GPC6: variants seen among roughly 807,000 people sequenced by gnomAD.
GPC6 encodes glypican-6.
In GPC6, 14 loss-of-function variants were observed where a neutral mutation model predicts 55.2. The observed-to-expected ratio is 0.25, with a 90% CI of 0.17 to 0.40. The LOEUF (loss-of-function observed/expected upper bound fraction) is 0.40, where lower values mean the gene tolerates loss of function less well. Ranked by LOEUF, GPC6 falls within the 10% of genes least tolerant of loss-of-function variation. The pLI, the probability that GPC6 is intolerant of heterozygous loss-of-function variation, is 1.00. For synonymous variants in GPC6, 278 were observed against 259.6 expected (o/e 1.07, Z -0.68); for missense variants, 641 against 708.5 (o/e 0.90, Z 1.08).
intron 1 of GPC6, among the ~76,000 whole-genome samples, chr13:93,316,239 C>G (rs78581840): frequency 0.016 from 2,363 of 152,100 alleles, 60 homozygotes; most frequent in African/African-American, 0.055. Context: ...TATTCATGCC[C>G]TAGACTATTA....
Position 93,227,576 on chromosome 13 carries a change from G to A in GPC6, c.120G>A (p.Lys40=). The A allele has an allele frequency of 6.2e-7, 1 of 1,611,734 alleles. No individual in the cohort carries two copies. The highest frequency in any genetic ancestry group is 8.5e-7 in the Non-Finnish European group (1 of 1,179,380). Residue 40 remains lysine, a synonymous_variant, in exon 1 of 9, where the codon AAG becomes AAA. Coordinates refer to ENST00000377047, the MANE Select transcript of GPC6 (RefSeq NM_005708.5). The surrounding 1 kb of genome is among the most constrained non-coding windows in gnomAD (Gnocchi z 4.3). ...CGEVRQAYGA[K]GFSLADIPYQ... ...AGGTCCGCCAGGCGTACGGTGCCAAGGGATTCAGCCTGGCGGACATCCCCT... is the reference window on the plus strand; with the variant it reads ...AGGTCCGCCAGGCGTACGGTGCCAAAGGATTCAGCCTGGCGGACATCCCCT...
intron 3 of GPC6, among the ~76,000 whole-genome samples, chr13:93,959,160 A>ATT (rs531505656): frequency 0.043 from 5,918 of 136,762 alleles, 459 homozygotes; most frequent in African/African-American, 0.15. Flanking sequence ...TAGTTGTATG[A>ATT]TTTTTTTTTT....
chr13:93,604,800 G>A (rs1391178206), intron 2 of GPC6, among the ~76,000 whole-genome samples: 5 of 152,004 alleles, frequency 3.3e-5, no homozygotes, highest in Admixed American at 6.6e-5. Context: ...TCCAGCCTTA[G>A]CACAGTATCC....
At chr13:93,527,324 A>C (rs1405105322) in intron 1 of GPC6, among the ~76,000 whole-genome samples, 1 of 152,084 alleles carries the variant, frequency 6.6e-6, no homozygotes, top group African/African-American at 2.4e-5. Flanking sequence ...TTCGATGTAA[A>C]GACATTTTTC....
intron 4 of GPC6, among the ~76,000 whole-genome samples, chr13:94,078,109 G>C: frequency 6.6e-6 from 1 of 151,832 alleles, no homozygotes; most frequent in Non-Finnish European, 1.5e-5. Context: ...AGTGACAGGA[G>C]GCAGATTGGA....
chr13:93,916,295 G>GT (rs1877289589), intron 3 of GPC6, among the ~76,000 whole-genome samples: 1 of 152,146 alleles, frequency 6.6e-6, no homozygotes, highest in African/African-American at 2.4e-5. Flanking sequence ...TATGACAAAT[G>GT]TAAGACTGTT....
chr13:94,199,138 C>T (rs1350375584), intron 4 of GPC6, among the ~76,000 whole-genome samples: 1 of 152,202 alleles, frequency 6.6e-6, no homozygotes, highest in Non-Finnish European at 1.5e-5. Flanking sequence ...GAAGGAGTAC[C>T]ACATTATGCA....
chr13:93,971,111 A>G (rs1880265727), intron 3 of GPC6, among the ~76,000 whole-genome samples: 1 of 152,224 alleles, frequency 6.6e-6, no homozygotes, highest in Non-Finnish European at 1.5e-5. Context: ...GAGGACATTC[A>G]ATTTTAATAA....
chr13:93,403,313 T>C (rs1876158685), intron 1 of GPC6, among the ~76,000 whole-genome samples: 1 of 152,162 alleles, frequency 6.6e-6, no homozygotes, highest in Admixed American at 6.5e-5. Flanking sequence ...GGTGATTCAA[T>C]TTCAGGTCTA....
At chr13:93,662,165 GT>G (rs1259365125) in intron 2 of GPC6, among the ~76,000 whole-genome samples, 1 of 152,094 alleles carries the variant, frequency 6.6e-6, no homozygotes, top group Non-Finnish European at 1.5e-5. Context: ...TTTCATATAT[GT>G]TTCTCTTCCT....
At chr13:93,546,402 T>G (rs1264552887) in intron 2 of GPC6, among the ~76,000 whole-genome samples, 2 of 152,210 alleles carry the variant, frequency 1.3e-5, no homozygotes, top group African/African-American at 4.8e-5. Flanking sequence ...TGTTTTAAAC[T>G]ATTACAGCAA....
At chr13:94,252,232 T>A (rs1483701301) in intron 4 of GPC6, among the ~76,000 whole-genome samples, 1 of 152,166 alleles carries the variant, frequency 6.6e-6, no homozygotes, top group Non-Finnish European at 1.5e-5. Context: ...GAAGCAGAAC[T>A]GTTCATCATA....
chr13:93,466,141 A>G (rs1878895152), intron 1 of GPC6, among the ~76,000 whole-genome samples: 1 of 147,722 alleles, frequency 6.8e-6, no homozygotes, highest in Non-Finnish European at 1.5e-5. Context: ...TAGGCATGCC[A>G]TGAGCACATA....
chr13:93,953,040 T>C (rs1483742308), intron 3 of GPC6, among the ~76,000 whole-genome samples: 1 of 151,864 alleles, frequency 6.6e-6, no homozygotes, highest in Non-Finnish European at 1.5e-5. Flanking sequence ...CTTGCTCCCC[T>C]TCTCATCTTG....
chr13:94,336,145 G>A (rs1477330086), intron 6 of GPC6, among the ~76,000 whole-genome samples: 1 of 152,130 alleles, frequency 6.6e-6, no homozygotes, highest in African/African-American at 2.4e-5. Flanking sequence ...CCGAGCCGCA[G>A]GTGTAGCATT....
chr13:94,228,812 A>AAG (rs1890635273), intron 4 of GPC6, among the ~76,000 whole-genome samples: 1 of 151,106 alleles, frequency 6.6e-6, no homozygotes, highest in Non-Finnish European at 1.5e-5. Context: ...AAAAAAAAAA[A>AAG]GTCTAGACAG....
chr13:94,152,298 TG>T (rs1345476922), intron 4 of GPC6, among the ~76,000 whole-genome samples: 16 of 152,304 alleles, frequency 1.1e-4, no homozygotes, highest in African/African-American at 3.1e-4. Flanking sequence ...AAGTAAAAAG[TG>T]GATTGGATTT....
intron 1 of GPC6, among the ~76,000 whole-genome samples, chr13:93,321,839 A>C (rs758729723): frequency 4.6e-5 from 7 of 152,098 alleles, no homozygotes; most frequent in Non-Finnish European, 8.8e-5. Flanking sequence ...AGCCCATTTC[A>C]ACATCTAGTG....
chr13:93,344,019 CA>C (rs2139154747), intron 1 of GPC6, among the ~76,000 whole-genome samples: 1 of 152,230 alleles, frequency 6.6e-6, no homozygotes, highest in South Asian at 2.1e-4. Flanking sequence ...AGGATGGTGC[CA>C]GTTGGGATTT....
Sources: gnomAD v4.1 joint callset for allele counts (sites outside exome capture counted in the v4.1 genomes callset) on GRCh38, gnomAD v4.1.1 for gene constraint, Gnocchi (gnomAD v3.1) non-coding constraint, MANE v1.5 for transcripts, NCBI Gene and HGNC (gene_info 2026-07-23, HGNC 2026-07-21) for gene names.